SMARCA4: variants seen among roughly 807,000 people sequenced by gnomAD.
SMARCA4 encodes SWI/SNF related BAF chromatin remodeling complex subunit ATPase 4, also known as SWI/SNF-related matrix-associated actin-dependent regulator of chromatin subfamily A member 4.
Under a neutral mutation model 193.9 loss-of-function variants are expected in SMARCA4, and 31 were observed. That is an observed-to-expected ratio of 0.16 (90% CI 0.12 to 0.22). SMARCA4 has a LOEUF of 0.22. Ranked by LOEUF, SMARCA4 falls within the 10% of genes least tolerant of loss-of-function variation. The pLI, the probability that SMARCA4 is intolerant of heterozygous loss-of-function variation, is 1.00. For missense variants in SMARCA4, 1,148 were observed against 2,296.0 expected (o/e 0.50, Z 10.22); for synonymous variants, 942 against 933.1 (o/e 1.01, Z -0.17).
chr19:10,977,540 T>A (rs1440330509), intron 1 of SMARCA4: 2 of 152,142 alleles, frequency 1.3e-5, no homozygotes, highest in African/African-American at 2.4e-5. Flanking sequence ...GCCAGGCTGG[T>A]GTTGAACTTC....
At chr19:11,023,443 C>A in intron 19 of SMARCA4, 75 bp from the exon 20 acceptor site, 1 of 955,576 alleles carries the variant, frequency 1.0e-6, no homozygotes, top group Non-Finnish European at 1.7e-6. Context: ...GTCCCCACAT[C>A]CGCACCTTCT....
At chr19:11,054,485 T>C (rs1383986668) in intron 30 of SMARCA4, among the ~76,000 whole-genome samples, 2 of 152,210 alleles carry the variant, frequency 1.3e-5, no homozygotes, top group Non-Finnish European at 2.9e-5. Flanking sequence ...AGCGCATCTT[T>C]AGCCTCATGC....
rs555299300 is a variant in SMARCA4 at position 11,007,668 on chromosome 19, G to A, written c.2002-234G>A. Among the ~76,000 whole-genome samples, 98 of 152,008 alleles carry A rather than the reference G, an allele frequency of 6.4e-4. 1 individual carries two copies. The highest frequency in any genetic ancestry group is 3.4e-3 in the Middle Eastern group (1 of 294). On this transcript the variant is annotated intron_variant, in intron 13 of 34. Coordinates refer to ENST00000344626, the MANE Select transcript of SMARCA4 (RefSeq NM_003072.5). ...AGGCAGGATGATTGCTTGAGCTGAGGAGTTCAAAGCCATCTGGGCAACATC... is the reference window on the plus strand; with the variant it reads ...AGGCAGGATGATTGCTTGAGCTGAGAAGTTCAAAGCCATCTGGGCAACATC...
intron 6 of SMARCA4, among the ~76,000 whole-genome samples, chr19:10,988,677 C>T (rs1316553177): frequency 6.6e-6 from 1 of 152,174 alleles, no homozygotes; most frequent in East Asian, 1.9e-4. Context: ...CTTCCTGTCA[C>T]TTCCAGCCAC....
chr19:10,991,064 A>G (rs1173267870), intron 7 of SMARCA4, 86 bp from the exon 8 acceptor site: 3 of 1,583,430 alleles, frequency 1.9e-6, no homozygotes, highest in African/African-American at 1.3e-5. Flanking sequence ...TTTAGCGGTG[A>G]AGCATGTGAC....
chr19:11,013,134 C>T (rs1486930714), intron 16 of SMARCA4, 22 bp downstream of exon 16: 3 of 1,613,074 alleles, frequency 1.9e-6, no homozygotes, highest in Admixed American at 3.3e-5. Context: ...CTGCCAGCAA[C>T]ATCCCACACG....
Position 11,053,138 on chromosome 19 carries a change from C to T in SMARCA4, c.4425-5117C>T, listed in dbSNP as rs184186461. On this transcript the variant is annotated intron_variant, in intron 30 of 34. Transcript: ENST00000344626. ...CTTGGAGGCTGGGCACGGTGGCTCA[C>T]GCCTGTAATTCCAGCACTTTGGGAG... Among the ~76,000 whole-genome samples the T allele has an allele frequency of 2.2e-3, 330 of 152,212 alleles. 3 individuals are homozygous for T. The highest frequency in any genetic ancestry group is 7.6e-3 in the African/African-American group (316 of 41,542).
At chr19:11,006,979 C>T (rs78925377) in intron 13 of SMARCA4, among the ~76,000 whole-genome samples, 9,294 of 151,848 alleles carry the variant, frequency 0.061, 317 homozygotes, top group South Asian at 0.11. Context: ...CCCAGCTACT[C>T]GAGAGGCTGA....
chr19:11,039,618 C>A, intron 29 of SMARCA4: 1 of 829,502 alleles, frequency 1.2e-6, no homozygotes, highest in Non-Finnish European at 1.8e-6. Flanking sequence ...TGCCTAATGC[C>A]CCTGAACTGT....
intron 16 of SMARCA4, among the ~76,000 whole-genome samples, chr19:11,014,958 A>G (rs757242598): frequency 3.9e-5 from 6 of 152,000 alleles, no homozygotes; most frequent in African/African-American, 4.8e-5. Context: ...GATTAGAGGC[A>G]CGCGCCACCA....
At position 11,047,162 on chromosome 19, in the gene SMARCA4, G is replaced by A. The variant is rs528061085; in HGVS notation, c.4424+5602G>A. On this transcript the variant is annotated intron_variant, in intron 30 of 34. Coordinates refer to ENST00000344626, the MANE Select transcript of SMARCA4 (RefSeq NM_003072.5). ...GCCGTCATTCTCTAGGACCCCGAGA[G>A]CCCTAGCGGTTGTTACGCTTGCAGT... Among the ~76,000 whole-genome samples the A allele has an allele frequency of 1.8e-4, 27 of 152,242 alleles. No homozygotes were observed. In the South Asian group the frequency reaches 5.2e-3, roughly 29 times the overall value.
intron 30 of SMARCA4, chr19:11,056,230 C>T (rs894303191): frequency 2.0e-5 from 3 of 152,216 alleles, no homozygotes; most frequent in African/African-American, 7.2e-5. Flanking sequence ...CACCGAGCAG[C>T]AAGCGCATCC....
At position 10,985,682 on chromosome 19, in the gene SMARCA4, G is replaced by A. The variant is rs545508528; in HGVS notation, c.355+277G>A. On this transcript the variant is annotated intron_variant, in intron 3 of 34. Transcript: ENST00000344626. The surrounding 1 kb of genome is among the most constrained non-coding windows in gnomAD (Gnocchi z 4.5). ...GAGGGCTGTGCAGGGCAGCAGCCCCGTGCCACCCAGGAACTTACTGGAAAT... is the reference window on the plus strand; with the variant it reads ...GAGGGCTGTGCAGGGCAGCAGCCCCATGCCACCCAGGAACTTACTGGAAAT... Among the ~76,000 whole-genome samples the A allele has an allele frequency of 7.9e-5, 12 of 152,302 alleles. No homozygotes were observed. The highest frequency in any genetic ancestry group is 4.6e-4 in the Admixed American group (7 of 15,296).
Position 11,019,674 on chromosome 19 carries a change from C to A in SMARCA4, c.2589C>A (p.Ile863=), listed in dbSNP as rs761698481. 3 of 1,613,252 alleles carry A rather than the reference C, an allele frequency of 1.9e-6. No individual in the cohort carries two copies. In the Admixed American group the frequency reaches 5.0e-5, roughly 27 times the overall value. The change falls in exon 18 of 35, where the codon ATC becomes ATA. Residue 863 remains isoleucine (I), a synonymous_variant. Transcript: ENST00000344626. The surrounding 1 kb of genome is among the most constrained non-coding windows in gnomAD (Gnocchi z 6.1). ...TCTTGCTGACGACGTACGAGTACAT[C>A]ATCAAAGACAAGCACATCCTCGCCA... ...FNVLLTTYEY[I]IKDKHILAKI...
rs2145938707 is a variant in SMARCA4 at position 10,994,878 on chromosome 19, C to T, written c.1470C>T (p.His490=). 1 of 1,614,132 alleles carries T rather than the reference C, an allele frequency of 6.2e-7. No individual in the cohort carries two copies. The highest frequency in any genetic ancestry group is 8.5e-7 in the Non-Finnish European group (1 of 1,179,982). The change falls in exon 9 of 35, where the codon CAC becomes CAT. Residue 490 remains histidine (H), a synonymous_variant. Transcript: ENST00000344626. ...LQHAKDFKEY[H]RSVTGKIQKL... Reference sequence around the variant, plus strand: ...ATGCCAAGGATTTCAAGGAATATCACAGATCCGTCACAGGCAAAATCCAGA... The same window carrying T: ...ATGCCAAGGATTTCAAGGAATATCATAGATCCGTCACAGGCAAAATCCAGA...
Position 11,060,054 on chromosome 19 carries a change from T to C in SMARCA4, c.4778T>C (p.Val1593Ala), listed in dbSNP as rs1230842838. ...EEGSESESRS[V>A]KVKIKLGRKE... ...TCCCGGTCCCCTCCAGCTCGGTCCG[T>C]CAAAGTGAAGATCAAGCTTGGCCGG... Residue 1593 changes from valine to alanine, a missense_variant, in exon 34 of 35, where the codon GTC becomes GCC. Physicochemically the swap from Val to Ala is moderately conservative, Grantham distance 64 (BLOSUM62 0). Around this residue, in one of 17 missense-constraint regions of SMARCA4, gnomAD observed 105 missense variants for 133.7 expected, o/e 0.79. Coordinates refer to ENST00000344626, the MANE Select transcript of SMARCA4 (RefSeq NM_003072.5). 1 of 1,561,456 alleles carries C rather than the reference T, an allele frequency of 6.4e-7. No individual in the cohort carries two copies.
At chr19:11,012,814 G>C (rs2088978918) in intron 15 of SMARCA4, 135 bp from the exon 16 acceptor site, 2 of 771,578 alleles carry the variant, frequency 2.6e-6, no homozygotes, top group Admixed American at 2.0e-5. Flanking sequence ...AAAAATCCGT[G>C]GTAAAGGCAG....
chr19:11,002,338 G>T (rs950525988), intron 11 of SMARCA4, among the ~76,000 whole-genome samples: 1 of 152,060 alleles, frequency 6.6e-6, no homozygotes, highest in Non-Finnish European at 1.5e-5. Context: ...AATTAGCTGG[G>T]CATGGTGATG....
chr19:10,967,908 G>T (rs2084363222), intron 1 of SMARCA4, among the ~76,000 whole-genome samples: 1 of 148,552 alleles, frequency 6.7e-6, no homozygotes, highest in Admixed American at 6.8e-5. Context: ...ACGGAGTCTT[G>T]CTTAGTTGCC....
Sources: allele counts gnomAD v4.1 joint callset (sites outside exome capture counted in the v4.1 genomes callset), GRCh38; gene constraint gnomAD v4.1.1; regional missense constraint gnomAD v4.1.1; non-coding constraint Gnocchi (gnomAD v3.1); transcripts MANE v1.5; gene names NCBI Gene and HGNC (gene_info 2026-07-23, HGNC 2026-07-21).